Variants in AGBL1 observed in about 807,000 individuals in gnomAD.
AGBL1 encodes AGBL carboxypeptidase 1, also known as cytosolic carboxypeptidase 4.
A neutral mutation model predicts 118.9 loss-of-function variants in AGBL1; 130 were observed. The observed-to-expected ratio is 1.09, with a 90% CI of 0.95 to 1.26. The LOEUF is 1.26. Ranked by LOEUF, AGBL1 falls within the 50% of genes most tolerant of loss-of-function variation. AGBL1 has a pLI of 0.00. For missense variants in AGBL1, 1,584 were observed against 1,298.1 expected, an observed-to-expected ratio of 1.22 and a Z score of -3.38; for synonymous variants, 555 against 478.9, an observed-to-expected ratio of 1.16 and a Z score of -2.08.
chr15:86,188,133 C>A (rs8042880), intron 5 of AGBL1, among the ~76,000 whole-genome samples: 69,592 of 151,982 alleles, frequency 0.46, 16,314 homozygotes, highest in East Asian at 0.58. Flanking sequence ...TTCTGTGAAT[C>A]TTCTGTGAAA....
intron 21 of AGBL1, among the ~76,000 whole-genome samples, chr15:86,625,921 A>C (rs1435717795): frequency 6.6e-6 from 1 of 152,158 alleles, no homozygotes; most frequent in African/African-American, 2.4e-5. Flanking sequence ...TCGAATGAAG[A>C]AGCTGTATCC....
intron 1 of AGBL1, among the ~76,000 whole-genome samples, chr15:86,103,331 T>C (rs1296016696): frequency 6.6e-6 from 1 of 152,206 alleles, no homozygotes; most frequent in Non-Finnish European, 1.5e-5. Flanking sequence ...TGAATTCTTT[T>C]TCTGGGATTT....
At chr15:86,470,180 C>T (rs1007084038) in intron 18 of AGBL1, among the ~76,000 whole-genome samples, 4 of 152,032 alleles carry the variant, frequency 2.6e-5, no homozygotes, top group African/African-American at 9.7e-5. Flanking sequence ...GCCTATGTTT[C>T]CTTCTAATAG....
chr15:86,894,822 A>T (rs1442016483), intron 22 of AGBL1, among the ~76,000 whole-genome samples: 1 of 152,186 alleles, frequency 6.6e-6, no homozygotes, highest in East Asian at 1.9e-4. Flanking sequence ...GGAGAGGCTG[A>T]TGTTCTCAAG....
At chr15:86,210,143 T>C (rs915846679) in intron 5 of AGBL1, among the ~76,000 whole-genome samples, 7 of 152,202 alleles carry the variant, frequency 4.6e-5, no homozygotes, top group South Asian at 2.1e-4. Context: ...AATATTGGCC[T>C]CCACTCTCTT....
At chr15:86,950,981 A>C (rs973744739) in intron 23 of AGBL1, among the ~76,000 whole-genome samples, 2 of 152,216 alleles carry the variant, frequency 1.3e-5, no homozygotes, top group Admixed American at 6.5e-5. Flanking sequence ...TATAGAATTT[A>C]AGAAGGCACT....
chr15:86,684,094 TGGAGGGAAGGAAAGAG>T (rs1258164028), intron 22 of AGBL1, among the ~76,000 whole-genome samples: 4 of 151,852 alleles, frequency 2.6e-5, no homozygotes, highest in African/African-American at 9.7e-5. Flanking sequence ...AGAGAAGGGA[TGGAGGGAAGGAAAGAG>T]GGAGGGAGGC....
intron 1 of AGBL1, among the ~76,000 whole-genome samples, chr15:86,088,820 A>G (rs190372360): frequency 3.3e-5 from 5 of 152,158 alleles, no homozygotes; most frequent in Non-Finnish European, 1.5e-5. Context: ...TGACAGCCCA[A>G]TTAGCTACCG....
At chr15:86,155,215 C>G (rs890055790) in intron 4 of AGBL1, among the ~76,000 whole-genome samples, 2 of 152,080 alleles carry the variant, frequency 1.3e-5, no homozygotes, top group Non-Finnish European at 2.9e-5. Flanking sequence ...CGCCTGTAAT[C>G]CCAGCACTTT....
chr15:86,933,170 G>C (rs2141638741), intron 23 of AGBL1, among the ~76,000 whole-genome samples: 1 of 152,274 alleles, frequency 6.6e-6, no homozygotes, highest in Admixed American at 6.5e-5. Flanking sequence ...GGAAGTGAGA[G>C]AAATCTAACG....
At chr15:86,961,523 G>A (rs796118687) in intron 23 of AGBL1, among the ~76,000 whole-genome samples, 6 of 152,172 alleles carry the variant, frequency 3.9e-5, no homozygotes, top group African/African-American at 1.4e-4. Flanking sequence ...GTTACACACA[G>A]GGGAGAGGGT....
chr15:86,411,506 T>C (rs1214202754), intron 18 of AGBL1, among the ~76,000 whole-genome samples: 1 of 152,174 alleles, frequency 6.6e-6, no homozygotes, highest in Non-Finnish European at 1.5e-5. Context: ...CCACCGCGAT[T>C]TACAGGTTGT....
chr15:86,700,533 TTC>T (rs1438875946), intron 22 of AGBL1, among the ~76,000 whole-genome samples: 1 of 151,006 alleles, frequency 6.6e-6, no homozygotes, highest in Non-Finnish European at 1.5e-5. Flanking sequence ...GAAGTGGTCT[TTC>T]TCTTGACAAG....
intron 17 of AGBL1, among the ~76,000 whole-genome samples, chr15:86,308,054 G>C (rs969442715): frequency 6.6e-6 from 1 of 151,676 alleles, no homozygotes; most frequent in African/African-American, 2.4e-5. Context: ...TGCCTGTTTG[G>C]GACTTTACAT....
In AGBL1 at chr15:86,980,885, C is replaced by CTTT. The variant is rs36077192; in HGVS notation, c.3222-7085_3222-7083dup. Among the ~76,000 whole-genome samples the CTTT allele has an allele frequency of 6.6e-4, 79 of 118,996 alleles. 2 individuals are homozygous for CTTT. The highest frequency in any genetic ancestry group is 2.4e-3 in the African/African-American group (71 of 29,990). The allele number at this position is 118,996 out of a possible 152,430, so 78.1% of individuals were successfully genotyped here. On this transcript the variant is annotated intron_variant, in intron 23 of 24. Coordinates refer to the AGBL1 transcript ENST00000441037. The stretch of plus-strand genomic sequence containing the variant: ...ATATAAATAGTGCTTCAGAAACATC[C>CTTT]TTTTTTTTTTTTTTTTTTTGAGACA...
chr15:86,104,245 G>T (rs527839293), intron 1 of AGBL1, among the ~76,000 whole-genome samples: 3 of 152,206 alleles, frequency 2.0e-5, no homozygotes, highest in Non-Finnish European at 4.4e-5. Context: ...GCATACAGGT[G>T]CTGGTGTGGT....
At chr15:86,739,706 G>A (rs1265427146) in intron 22 of AGBL1, among the ~76,000 whole-genome samples, 1 of 152,076 alleles carries the variant, frequency 6.6e-6, no homozygotes, top group Admixed American at 6.5e-5. Context: ...GGAAATGGCA[G>A]CAACTATCAT....
Position 86,266,377 on chromosome 15 carries a change from C to G in AGBL1, c.1671C>G (p.Ile557Met). Residue 557 changes from isoleucine to methionine, a missense_variant, in exon 12 of 23, where the codon ATC (isoleucine) becomes ATG (methionine). Transcript: ENST00000614907. ...MLERKCGVQR[I>M]RIFEDIRRLI... ...TGTTTTCAATTTTCTTTTTCAGGAT[C>G]AGGATATTTGAGGATATTCGGAGGC... 1 of 1,572,930 alleles carries G rather than the reference C, an allele frequency of 6.4e-7. No individual in the cohort carries two copies. Among genetic ancestry groups the G allele is most frequent in the Non-Finnish European group, 8.6e-7 (1 of 1,157,042 alleles).
intron 16 of AGBL1, among the ~76,000 whole-genome samples, chr15:86,290,522 A>G (rs1410419373): frequency 6.7e-6 from 1 of 149,958 alleles, no homozygotes; most frequent in African/African-American, 2.4e-5. Context: ...AGCAATTTTT[A>G]TGTATTTTTA....
Sources: allele counts gnomAD v4.1 joint callset (sites outside exome capture counted in the v4.1 genomes callset), GRCh38; gene constraint gnomAD v4.1.1; transcripts MANE v1.5; gene names NCBI Gene and HGNC (gene_info 2026-07-23, HGNC 2026-07-21).